Variants in DLGAP1 observed in about 807,000 individuals in gnomAD.
DLGAP1 encodes the protein DLG associated protein 1.
A neutral mutation model predicts 90.8 loss-of-function variants in DLGAP1; 11 were observed. That is an observed-to-expected ratio of 0.12 (90% CI 0.08 to 0.20). The LOEUF (loss-of-function observed/expected upper bound fraction) is 0.20. Among genes scored for constraint, DLGAP1 ranks in the 10% least tolerant of loss-of-function variants. DLGAP1 has a pLI of 1.00. For missense variants in DLGAP1, 1,050 were observed against 1,333.8 expected (o/e 0.79, Z 3.31); for synonymous variants, 558 against 540.7 (o/e 1.03, Z -0.44).
chr18:4,265,690 TTCCTTCCTTCCC>T lies in DLGAP1; in HGVS notation c.-266-114415_-266-114404del, dbSNP rs1355911628. Among the ~76,000 whole-genome samples the T allele has an allele frequency of 2.4e-4, 29 of 120,478 alleles. 2 individuals carry two copies. Among genetic ancestry groups the T allele is most frequent in the African/African-American group, 8.5e-4 (25 of 29,480 alleles). The allele number at this position is 120,478 out of a possible 152,430, so 79.0% of individuals were successfully genotyped here. ...CTTCCTTCCTTCCTTCCTTCCTTCC[TTCCTTCCTTCCC>T]TCCTCTCTTCAGTGTCTCACTGTTG... On this transcript the variant is annotated intron_variant, in intron 1 of 12. Transcript: ENST00000315677.
chr18:4,191,846 C>T (rs1325636416), intron 1 of DLGAP1, among the ~76,000 whole-genome samples: 1 of 152,118 alleles, frequency 6.6e-6, no homozygotes, highest in East Asian at 1.9e-4. Context: ...TGTAATTACA[C>T]ATTTGCTGTT....
chr18:3,702,459 T>C (rs1271387932), intron 7 of DLGAP1, among the ~76,000 whole-genome samples: 1 of 152,172 alleles, frequency 6.6e-6, no homozygotes, highest in Non-Finnish European at 1.5e-5. Context: ...GGGATGGCAA[T>C]AGACAAGTTC....
At chr18:4,206,892 G>A (rs1296860386) in intron 1 of DLGAP1, among the ~76,000 whole-genome samples, 1 of 152,190 alleles carries the variant, frequency 6.6e-6, no homozygotes, top group Non-Finnish European at 1.5e-5. Flanking sequence ...ACATGAAGCT[G>A]AGAGAATTTC....
chr18:3,763,312 G>A (rs1289383382), intron 5 of DLGAP1, among the ~76,000 whole-genome samples: 1 of 152,116 alleles, frequency 6.6e-6, no homozygotes, highest in African/African-American at 2.4e-5. Flanking sequence ...AGGACTCTTG[G>A]ACCTTCAACT....
At chr18:3,926,559 CAT>C (rs959918228) in intron 3 of DLGAP1, among the ~76,000 whole-genome samples, 7 of 151,546 alleles carry the variant, frequency 4.6e-5, no homozygotes, top group African/African-American at 1.2e-4. Flanking sequence ...TCTCTCTATA[CAT>C]ATGTGTGTAT....
intron 3 of DLGAP1, among the ~76,000 whole-genome samples, chr18:3,996,897 T>C (rs2074082513): frequency 6.6e-6 from 1 of 152,102 alleles, no homozygotes; most frequent in South Asian, 2.1e-4. Flanking sequence ...AACTGAGATA[T>C]CAAATCTATG....
chr18:4,300,412 C>T (rs1024882164), intron 1 of DLGAP1, among the ~76,000 whole-genome samples: 5 of 152,112 alleles, frequency 3.3e-5, no homozygotes, highest in East Asian at 1.9e-4. Context: ...TTTTACTGAT[C>T]GCTTTGCCCT....
intron 7 of DLGAP1, among the ~76,000 whole-genome samples, chr18:3,685,520 C>T (rs904484769): frequency 1.4e-4 from 19 of 140,364 alleles, no homozygotes; most frequent in Non-Finnish European, 2.2e-4. Flanking sequence ...GCCGAGATTG[C>T]GCCACTGCAC....
At chr18:4,145,331 A>G (rs1011372212) in intron 2 of DLGAP1, among the ~76,000 whole-genome samples, 2 of 152,212 alleles carry the variant, frequency 1.3e-5, no homozygotes, top group Admixed American at 1.3e-4. Flanking sequence ...TTTCTAAATT[A>G]TTTCTGACAT....
chr18:3,525,326 T>C (rs2051545736), intron 10 of DLGAP1, among the ~76,000 whole-genome samples: 2 of 152,320 alleles, frequency 1.3e-5, no homozygotes, highest in South Asian at 4.1e-4. Flanking sequence ...ATGAAATTAG[T>C]TTCTATTTCC....
intron 1 of DLGAP1, among the ~76,000 whole-genome samples, chr18:4,232,039 G>A (rs751634651): frequency 4.6e-5 from 7 of 152,060 alleles, no homozygotes; most frequent in South Asian, 4.1e-4. Context: ...TAATTATTTG[G>A]AGTTTACTAA....
chr18:4,163,118 G>A (rs6506186), intron 1 of DLGAP1, among the ~76,000 whole-genome samples: 21,783 of 151,968 alleles, frequency 0.14, 4,048 homozygotes, highest in African/African-American at 0.42. Flanking sequence ...CTAAACCCAA[G>A]ATATAGTTTA....
intron 1 of DLGAP1, among the ~76,000 whole-genome samples, chr18:4,280,158 T>C (rs1165668521): frequency 6.6e-6 from 1 of 152,226 alleles, no homozygotes; most frequent in Non-Finnish European, 1.5e-5. Flanking sequence ...TCTTAATATC[T>C]GTATAAGTTG....
chr18:4,332,195 G>GA (rs1278034944), intron 1 of DLGAP1, among the ~76,000 whole-genome samples: 1 of 151,942 alleles, frequency 6.6e-6, no homozygotes, highest in Non-Finnish European at 1.5e-5. Context: ...CAGTGGTGAG[G>GA]AAAATCATAT....
chr18:4,037,945 G>A (rs1398349916), intron 2 of DLGAP1, among the ~76,000 whole-genome samples: 1 of 152,196 alleles, frequency 6.6e-6, no homozygotes, highest in Non-Finnish European at 1.5e-5. Context: ...GGGCAACAGA[G>A]TGAGACTCCG....
intron 3 of DLGAP1, chr18:3,983,546 C>T (rs912358181): frequency 2.0e-5 from 3 of 152,184 alleles, no homozygotes; most frequent in Non-Finnish European, 4.4e-5. Flanking sequence ...ACCACCGCTA[C>T]TTGAGACATC....
At chr18:3,949,769 G>C (rs1404240433) in intron 3 of DLGAP1, among the ~76,000 whole-genome samples, 1 of 152,072 alleles carries the variant, frequency 6.6e-6, no homozygotes, top group Non-Finnish European at 1.5e-5. Flanking sequence ...CTAAAAATCT[G>C]TTATTTTCTA....
At chr18:3,610,182 T>A (rs2057537035) in intron 7 of DLGAP1, among the ~76,000 whole-genome samples, 1 of 152,172 alleles carries the variant, frequency 6.6e-6, no homozygotes, top group South Asian at 2.1e-4. Context: ...AAAATATACT[T>A]CTTTGGCATA....
At chr18:4,400,087 C>G (rs1163572517) in intron 1 of DLGAP1, among the ~76,000 whole-genome samples, 2 of 152,110 alleles carry the variant, frequency 1.3e-5, no homozygotes, top group Non-Finnish European at 2.9e-5. Flanking sequence ...CCCCACCCCC[C>G]GCCAGGCATC....
Sources: allele counts gnomAD v4.1 joint callset (sites outside exome capture counted in the v4.1 genomes callset), GRCh38; gene constraint gnomAD v4.1.1; transcripts MANE v1.5; gene names NCBI Gene and HGNC (gene_info 2026-07-23, HGNC 2026-07-21).